Variants in SAXO1 observed in about 807,000 individuals in gnomAD.
SAXO1 encodes stabilizer of axonemal microtubules 1.
A neutral mutation model predicts 17.5 loss-of-function variants in SAXO1; 21 were observed. The observed-to-expected ratio is 1.20, with a 90% confidence interval of 0.85 to 1.72. The LOEUF (loss-of-function observed/expected upper bound fraction) is 1.72. Ranked by LOEUF, SAXO1 falls within the 40% of genes most tolerant of loss-of-function variation. The pLI is 0.00. For missense variants in SAXO1, 843 were observed against 596.0 expected, an observed-to-expected ratio of 1.41 and a Z score of -4.32; for synonymous variants, 274 against 216.5, an observed-to-expected ratio of 1.27 and a Z score of -2.33.
intron 1 of SAXO1, among the ~76,000 whole-genome samples, chr9:18,965,039 G>A (rs1391251385): frequency 1.3e-5 from 2 of 152,200 alleles, no homozygotes; most frequent in African/African-American, 4.8e-5. Context: ...GGAGCAGGTT[G>A]TTCAGTTTCC....
intron 3 of SAXO1, among the ~76,000 whole-genome samples, chr9:18,940,135 G>C (rs1462151566): frequency 1.3e-5 from 2 of 152,220 alleles, no homozygotes; most frequent in Non-Finnish European, 2.9e-5. Context: ...GCGGCTGGTG[G>C]TAAGAGGGAG....
At chr9:19,027,164 T>C (rs1563990490) in intron 1 of SAXO1, 2 of 1,182,660 alleles carry the variant, frequency 1.7e-6, no homozygotes, top group Non-Finnish European at 2.5e-6. Context: ...AAGAGGAGGA[T>C]GGTCCAAATA....
chr9:18,952,555 T>C (rs12115446), intron 1 of SAXO1, among the ~76,000 whole-genome samples: 11,370 of 152,260 alleles, frequency 0.075, 602 homozygotes, highest in African/African-American at 0.16. Context: ...ATGGCTAGAA[T>C]TGCATATTAA....
At chr9:18,931,424 G>C (rs970993053) in intron 3 of SAXO1, among the ~76,000 whole-genome samples, 1 of 152,094 alleles carries the variant, frequency 6.6e-6, no homozygotes, top group African/African-American at 2.4e-5. Flanking sequence ...TGGACATTTT[G>C]AGTTGTTTCT....
Position 19,033,147 on chromosome 9 carries a change from T to C in SAXO1, c.-239A>G. 1 of 461,510 alleles carries C rather than the reference T, an allele frequency of 2.2e-6. No homozygotes were observed. The highest frequency in any genetic ancestry group is 3.8e-6 in the Non-Finnish European group (1 of 261,152). The allele number at this position is 461,510 out of a possible 1,614,324, so 28.6% of individuals were successfully genotyped here. ...TGCACGCGCGCCAGCCCGGGAGACC[T>C]CACCCTGCACGCCACCGCCCCGGCC... On this transcript the variant is annotated 5_prime_UTR_variant, in exon 1 of 4. Transcript: ENST00000380534.
In SAXO1 at chr9:18,933,852, C is replaced by T. The variant is rs370115094; in HGVS notation, c.422-4797G>A. On this transcript the variant is annotated intron_variant, in intron 3 of 3. Transcript: ENST00000380534. ...ACGAGGTCAGGAGATCAAGACCATC[C>T]TGGCCAACATGGTGAAACCCTGTCT... 2.1e-4 allele frequency among the ~76,000 whole-genome samples: 32 copies of T among 152,270 alleles called. No homozygotes were observed. The South Asian group carries it at 6.2e-3, about 30-fold the overall frequency.
At chr9:18,977,986 A>T (rs1588470021) in intron 1 of SAXO1, among the ~76,000 whole-genome samples, 1 of 103,964 alleles carries the variant, frequency 9.6e-6, no homozygotes, top group Non-Finnish European at 1.9e-5. Context: ...AGAGAATGAG[A>T]CCCTGCCAAA....
intron 3 of SAXO1, among the ~76,000 whole-genome samples, chr9:18,932,100 G>C (rs1831078620): frequency 6.6e-6 from 1 of 152,118 alleles, no homozygotes; most frequent in Non-Finnish European, 1.5e-5. Context: ...TCATGCTTTT[G>C]ATGCCATGTC....
chr9:19,021,384 T>C (rs1313431516), intron 1 of SAXO1, among the ~76,000 whole-genome samples: 1 of 152,180 alleles, frequency 6.6e-6, no homozygotes. Flanking sequence ...CATTAAATAC[T>C]TTTGATGAAC....
At chr9:18,986,731 C>T (rs73645557) in intron 1 of SAXO1, among the ~76,000 whole-genome samples, 4,048 of 152,270 alleles carry the variant, frequency 0.027, 173 homozygotes, top group African/African-American at 0.09. Flanking sequence ...GGGGCAAAGA[C>T]TGTCACATAC....
At chr9:19,022,071 T>C (rs1357302266) in intron 1 of SAXO1, among the ~76,000 whole-genome samples, 1 of 152,246 alleles carries the variant, frequency 6.6e-6, no homozygotes, top group Non-Finnish European at 1.5e-5. Context: ...GTCCGCACTA[T>C]CTTTATGAGC....
chr9:19,029,805 G>A (rs542496513), intron 1 of SAXO1, among the ~76,000 whole-genome samples: 28 of 152,266 alleles, frequency 1.8e-4, no homozygotes, highest in Admixed American at 1.5e-3. Flanking sequence ...AAATGAAATT[G>A]CCACAGCTGG....
At chr9:19,026,959 AG>A in intron 1 of SAXO1, 1 of 891,138 alleles carries the variant, frequency 1.1e-6, no homozygotes. Context: ...ATGTCCACGG[AG>A]GAGATCATCC....
chr9:19,044,460 C>G (rs746390001), intron 1 of SAXO1, among the ~76,000 whole-genome samples: 1 of 152,024 alleles, frequency 6.6e-6, no homozygotes, highest in Non-Finnish European at 1.5e-5. Context: ...AAACATGAGA[C>G]AAATAGGATG....
chr9:18,971,150 G>T (rs1250430292), intron 1 of SAXO1, among the ~76,000 whole-genome samples: 1 of 152,152 alleles, frequency 6.6e-6, no homozygotes, highest in African/African-American at 2.4e-5. Flanking sequence ...CCCGAGTGGG[G>T]CCTTTCTGCA....
chr9:18,968,616 G>A (rs527408148), intron 1 of SAXO1, among the ~76,000 whole-genome samples: 101 of 147,012 alleles, frequency 6.9e-4, no homozygotes, highest in Middle Eastern at 7.0e-3. Flanking sequence ...TTTTTGAGAC[G>A]CAGTTTCACT....
chr9:19,021,995 T>C (rs952690733), intron 1 of SAXO1, among the ~76,000 whole-genome samples: 22 of 152,248 alleles, frequency 1.4e-4, no homozygotes, highest in Non-Finnish European at 3.1e-4. Context: ...TCGGGTCCCC[T>C]TCCCCATTGT....
At chr9:19,033,635 G>A (rs370372806), upstream of SAXO1, among the ~76,000 whole-genome samples, 115 of 152,302 alleles carry the variant, frequency 7.6e-4, no homozygotes, top group African/African-American at 2.6e-3. Context: ...CCACAGACCT[G>A]CGCTCTTGAG....
chr9:19,001,425 T>C (rs1834258024), intron 1 of SAXO1, among the ~76,000 whole-genome samples: 1 of 152,100 alleles, frequency 6.6e-6, no homozygotes, highest in Non-Finnish European at 1.5e-5. Context: ...CCCAGCACTT[T>C]GGGAGGTTGA....
Sources: allele counts gnomAD v4.1 joint callset (sites outside exome capture counted in the v4.1 genomes callset), GRCh38; gene constraint gnomAD v4.1.1; transcripts MANE v1.5; gene names NCBI Gene and HGNC (gene_info 2026-07-23, HGNC 2026-07-21).